Variants in CROT observed in about 807,000 individuals in gnomAD.
The protein encoded by CROT is peroxisomal carnitine O-octanoyltransferase.
CROT carries 84 observed loss-of-function variants against 89.2 expected under a neutral mutation model. That is an observed-to-expected ratio of 0.94 (90% CI 0.79 to 1.13). The LOEUF (loss-of-function observed/expected upper bound fraction) is 1.13, where lower values mean the gene tolerates loss of function less well. CROT is among the 50% of genes most tolerant of loss of function. The pLI is 0.00. For missense variants in CROT, 711 were observed against 727.8 expected, an observed-to-expected ratio of 0.98 and a Z score of 0.27; for synonymous variants, 212 against 239.5, an observed-to-expected ratio of 0.89 and a Z score of 1.06.
intron 7 of CROT, among the ~76,000 whole-genome samples, chr7:87,372,007 C>CAAAAAAAAAAAAAAAA (rs61300907): frequency 2.4e-5 from 3 of 123,998 alleles, no homozygotes; most frequent in Non-Finnish European, 1.7e-5. Context: ...AAAAAAAAAA[C>CAAAAAAAAAAAAAAAA]AAAAAAAAAA....
chr7:87,357,005 G>GAT (rs1327389910), intron 3 of CROT, among the ~76,000 whole-genome samples: 1 of 152,300 alleles, frequency 6.6e-6, no homozygotes, highest in East Asian at 1.9e-4. Context: ...CTGGGTGATA[G>GAT]AGCGAGACTC....
intron 10 of CROT, among the ~76,000 whole-genome samples, chr7:87,379,615 G>A (rs1490568738): frequency 4.6e-5 from 7 of 152,226 alleles, no homozygotes; most frequent in Non-Finnish European, 8.8e-5. Flanking sequence ...GGCTCATAAT[G>A]AGCATATCTC....
At chr7:87,381,834 A>G (rs1807016932) in intron 10 of CROT, 76 bp from the exon 11 acceptor site, 3 of 985,968 alleles carry the variant, frequency 3.0e-6, no homozygotes, top group Non-Finnish European at 4.6e-6. Context: ...GAATGGACAC[A>G]AAGTGAAAAT....
In CROT at chr7:87,397,258, C is replaced by T. The variant is rs376469240; in HGVS notation, c.1719-1266C>T. Reference sequence around the variant, plus strand: ...CTGAGTTACTTGGGAACCTGAGGCACGAGAATTGCTTCACACTGGGAGATG... The same window carrying T: ...CTGAGTTACTTGGGAACCTGAGGCATGAGAATTGCTTCACACTGGGAGATG... On this transcript the variant is annotated intron_variant, in intron 17 of 17. Transcript: ENST00000331536. Among the ~76,000 whole-genome samples the T allele has an allele frequency of 1.3e-3, 195 of 151,478 alleles. 1 individual carries two copies. Among genetic ancestry groups the T allele is most frequent in the Middle Eastern group, 6.8e-3 (2 of 294 alleles).
At chr7:87,360,877 T>C (rs1806244935) in intron 4 of CROT, among the ~76,000 whole-genome samples, 1 of 152,322 alleles carries the variant, frequency 6.6e-6, no homozygotes, top group East Asian at 1.9e-4. Context: ...TTAAAACAAA[T>C]AATACCTAAG....
In CROT at chr7:87,371,993, CA is replaced by C. The variant is rs76864305; in HGVS notation, c.656+2522del. ...TGGGTGACAGAGCAAGACGCTGTCT[CA>C]AAAAAAAAAAAACAAAAAAAAAAAA... On this transcript the variant is annotated intron_variant, in intron 7 of 17. Coordinates refer to ENST00000331536, the MANE Select transcript of CROT (RefSeq NM_021151.4). Among the ~76,000 whole-genome samples, 456 of 59,730 alleles carry C rather than the reference CA, an allele frequency of 7.6e-3. 1 individual carries two copies. The highest frequency in any genetic ancestry group is 0.026 in the African/African-American group (366 of 13,968). The allele number at this position is 59,730 out of a possible 152,430, so 39.2% of individuals were successfully genotyped here. A position where few individuals can be genotyped will look rare whatever the true frequency, so the allele number is the denominator to read the frequency against.
chr7:87,378,277 T>C (rs192118128), intron 10 of CROT, among the ~76,000 whole-genome samples: 31 of 146,946 alleles, frequency 2.1e-4, no homozygotes, highest in African/African-American at 7.3e-4. Context: ...ACCTGGGAGG[T>C]TGAGGGTGCA....
chr7:87,360,808 AATG>A (rs1359067210), intron 4 of CROT, among the ~76,000 whole-genome samples: 2 of 152,144 alleles, frequency 1.3e-5, no homozygotes, highest in East Asian at 1.9e-4. Context: ...ACTACAATAC[AATG>A]ATATTTCTGA....
intron 14 of CROT, among the ~76,000 whole-genome samples, chr7:87,391,997 C>T (rs977473732): frequency 6.6e-6 from 1 of 152,162 alleles, no homozygotes; most frequent in Non-Finnish European, 1.5e-5. Context: ...ACAACACCAA[C>T]AAAGTGCAGA....
intron 3 of CROT, chr7:87,354,377 G>C (rs372348674): frequency 5.8e-6 from 3 of 518,520 alleles, no homozygotes; most frequent in Non-Finnish European, 1.2e-5. Context: ...CATCAAACCT[G>C]ATGAAAAAAG....
At chr7:87,370,191 AT>A (rs896649840) in intron 7 of CROT, among the ~76,000 whole-genome samples, 24 of 150,624 alleles carry the variant, frequency 1.6e-4, no homozygotes, top group African/African-American at 3.4e-4. Context: ...CTAAAAAATA[AT>A]TTTTTTTTTG....
chr7:87,355,735 G>C (rs1562927859), intron 3 of CROT, among the ~76,000 whole-genome samples: 1 of 152,120 alleles, frequency 6.6e-6, no homozygotes, highest in East Asian at 1.9e-4. Flanking sequence ...GACTCAAATA[G>C]GTTATCCAAC....
chr7:87,386,767 T>C (rs1807195612), intron 13 of CROT, among the ~76,000 whole-genome samples: 4 of 152,122 alleles, frequency 2.6e-5, no homozygotes, highest in African/African-American at 9.7e-5. Flanking sequence ...ACAACCTCTT[T>C]GATTTGGTGT....
rs1026387614 is a variant in CROT at position 87,346,426 on chromosome 7, T to A, written c.-26T>A. 13 of 152,232 alleles carry A rather than the reference T, an allele frequency of 8.5e-5. No homozygotes were observed. The highest frequency in any genetic ancestry group is 3.1e-4 in the African/African-American group (13 of 41,454). The allele number at this position is 152,232 out of a possible 1,614,324, so 9.4% of individuals were successfully genotyped here. Reference sequence around the variant, plus strand: ...TCTCAAGCAGTTCATCTTCTTGGTGTACTGGTATGTGACAATTCCTTCACG... The same window carrying A: ...TCTCAAGCAGTTCATCTTCTTGGTGAACTGGTATGTGACAATTCCTTCACG... On this transcript the variant is annotated 5_prime_UTR_variant, in exon 2 of 18. Coordinates refer to ENST00000331536, the MANE Select transcript of CROT (RefSeq NM_021151.4).
At chr7:87,349,221 A>G (rs1428788095) in intron 3 of CROT, 38 bp downstream of exon 3, 2 of 1,020,670 alleles carry the variant, frequency 2.0e-6, no homozygotes, top group Non-Finnish European at 1.4e-6. Flanking sequence ...TAATATTATT[A>G]GTAACTTAGA....
In CROT at chr7:87,361,461, G is replaced by C. The variant is rs139396146; in HGVS notation, c.312G>C (p.Ala104=). The change falls in exon 5 of 18, where the codon GCG becomes GCC. Residue 104 remains alanine (A), a synonymous_variant. Coordinates refer to ENST00000331536, the MANE Select transcript of CROT (RefSeq NM_021151.4). ...RIPSQLNVNF[A]GPAAHFEHYW... is the part of the protein sequence containing the mutation. ...CATCACAATTGAATGTCAACTTTGC[G>C]GGTCCTGCAGCTCATTTTGAACACT... 3 of 1,613,714 alleles carry C rather than the reference G, an allele frequency of 1.9e-6. No individual in the cohort carries two copies. The highest frequency in any genetic ancestry group is 2.5e-6 in the Non-Finnish European group (3 of 1,179,944).
chr7:87,359,422 T>G, intron 4 of CROT, 92 bp downstream of exon 4: 1 of 1,487,208 alleles, frequency 6.7e-7, no homozygotes, highest in Non-Finnish European at 8.9e-7. Flanking sequence ...GCTGTAAAAA[T>G]TTTTACAGTT....
chr7:87,354,274 A>G (rs1805984412), intron 3 of CROT: 1 of 472,020 alleles, frequency 2.1e-6, no homozygotes, highest in Admixed American at 2.2e-5. Flanking sequence ...GAATTATACA[A>G]TCTTGTTTCT....
At chr7:87,358,943 A>C (rs1806187753) in intron 3 of CROT, among the ~76,000 whole-genome samples, 1 of 152,170 alleles carries the variant, frequency 6.6e-6, no homozygotes, top group Non-Finnish European at 1.5e-5. Context: ...TAGGCTTGTG[A>C]TGAAAAATGC....
Sources: allele counts gnomAD v4.1 joint callset (sites outside exome capture counted in the v4.1 genomes callset), GRCh38; gene constraint gnomAD v4.1.1; transcripts MANE v1.5; gene names NCBI Gene and HGNC (gene_info 2026-07-23, HGNC 2026-07-21).